The following LPO variants were observed in gnomAD, a reference collection of about 807,000 sequenced individuals.
The protein encoded by LPO is salivary peroxidase.
LPO carries 70 observed loss-of-function variants against 68.4 expected under a neutral mutation model. The observed-to-expected ratio is 1.02, with a 90% CI of 0.84 to 1.25. The LOEUF (loss-of-function observed/expected upper bound fraction) is 1.25, where lower values mean the gene tolerates loss of function less well. Among genes scored for constraint, LPO ranks in the 50% most tolerant of loss-of-function variants. The probability of loss-of-function intolerance (pLI) is 0.00; values close to 1 mark genes in which losing one functional copy is unlikely to be tolerated. For synonymous variants in LPO, 360 were observed against 357.6 expected, an observed-to-expected ratio of 1.01 and a Z score of -0.08; for missense variants, 873 against 908.4, an observed-to-expected ratio of 0.96 and a Z score of 0.50.
At chr17:58,256,263 A>T (rs147180505) in intron 9 of LPO, among the ~76,000 whole-genome samples, 2 of 152,264 alleles carry the variant, frequency 1.3e-5, no homozygotes, top group African/African-American at 4.8e-5. Context: ...GGGCATTTGG[A>T]TAGTTTCCAG....
At position 58,254,944 on chromosome 17, in the gene LPO, C is replaced by A. The variant is rs1598027562; in HGVS notation, c.1239C>A (p.Ala413=). ...ATGGAGAGAAGCTCTACCAGGAAGC[C>A]CGGAAAATCCTGGGAGCCTTCGTGC... ...QWDGEKLYQE[A]RKILGAFVQI... The change falls in exon 9 of 13, where the codon GCC becomes GCA. Residue 413 remains alanine, a synonymous_variant. Transcript: ENST00000262290. The A allele has an allele frequency of 6.2e-7, 1 of 1,614,042 alleles. No individual in the cohort carries two copies. Among genetic ancestry groups the A allele is most frequent in the East Asian group, 2.2e-5 (1 of 44,880 alleles).
intron 1 of LPO, among the ~76,000 whole-genome samples, chr17:58,239,633 T>C (rs1969717860): frequency 6.6e-6 from 1 of 152,082 alleles, no homozygotes; most frequent in Non-Finnish European, 1.5e-5. Context: ...CTCACTGACT[T>C]CATCCCTTCT....
intron 9 of LPO, among the ~76,000 whole-genome samples, chr17:58,256,347 G>C (rs7218620): frequency 0.49 from 73,503 of 151,260 alleles, 20,144 homozygotes; most frequent in African/African-American, 0.76. Flanking sequence ...ATGTTTATTT[G>C]TTTGAGATAC....
intron 3 of LPO, chr17:58,244,391 C>T: frequency 5.4e-6 from 2 of 371,290 alleles, no homozygotes; most frequent in Non-Finnish European, 9.8e-6. Flanking sequence ...TCCCAGAAAG[C>T]CTCTCAGTAA....
Position 58,244,085 on chromosome 17 carries a change from C to T in LPO, c.164+4C>T, listed in dbSNP as rs751530829. 1.9e-5 allele frequency: 26 copies of T among 1,363,632 alleles called. No individual in the cohort carries two copies. The highest frequency in any genetic ancestry group is 9.5e-5 in the East Asian group (4 of 42,244). 84.5% of individuals were successfully genotyped at this position (1,363,632 alleles called of 1,614,324 possible). A position where few individuals can be genotyped will look rare whatever the true frequency, so the allele number is the denominator to read the frequency against. On this transcript the variant is annotated splice_donor_region_variant and intron_variant, in intron 3 of 12. Coordinates refer to ENST00000262290, the MANE Select transcript of LPO (RefSeq NM_006151.3). ...CCTTCCTGGACTCCCGAACCAGGTA[C>T]GTGAGACACACACACACACACACAC...
At chr17:58,251,492 T>C (rs1238810381) in intron 7 of LPO, 1 of 209,872 alleles carries the variant, frequency 4.8e-6, no homozygotes, top group Non-Finnish European at 9.8e-6. Flanking sequence ...CAGGGATTTG[T>C]AGGGATTTCC....
chr17:58,248,704 A>G (rs182248995), intron 4 of LPO, among the ~76,000 whole-genome samples: 9 of 152,158 alleles, frequency 5.9e-5, no homozygotes, highest in African/African-American at 1.9e-4. Context: ...ATACTAACAT[A>G]TGCTTAACCT....
chr17:58,241,630 G>A (rs1433361418), intron 1 of LPO, among the ~76,000 whole-genome samples: 1 of 152,152 alleles, frequency 6.6e-6, no homozygotes, highest in Non-Finnish European at 1.5e-5. Context: ...GAGAGGTCAA[G>A]CTGTTTGAGA....
chr17:58,262,163 G>A (rs562723324), intron 9 of LPO, among the ~76,000 whole-genome samples: 17 of 152,298 alleles, frequency 1.1e-4, no homozygotes, highest in African/African-American at 4.1e-4. Context: ...TGTTTAGAGA[G>A]TTTCCTTTAG....
intron 7 of LPO, 44 bp from the exon 8 acceptor site, chr17:58,252,138 C>A: frequency 6.3e-7 from 1 of 1,580,590 alleles, no homozygotes; most frequent in Admixed American, 1.7e-5. Context: ...CAGGACCCAG[C>A]TGTTCCACCC....
intron 11 of LPO, 57 bp downstream of exon 11, chr17:58,266,383 C>A: frequency 6.5e-7 from 1 of 1,541,998 alleles, no homozygotes; most frequent in South Asian, 1.2e-5. Context: ...TTCTAGGGCT[C>A]CTGGAGACTC....
Position 58,250,442 on chromosome 17 carries a change from G to A in LPO, c.601G>A (p.Gly201Ser). 1 of 1,614,090 alleles carries A rather than the reference G, an allele frequency of 6.2e-7. No individual in the cohort carries two copies. Among genetic ancestry groups the A allele is most frequent in the Non-Finnish European group, 8.5e-7 (1 of 1,180,004 alleles). Residue 201 changes from glycine to serine, a missense_variant, in exon 7 of 13, where the codon GGC (glycine) becomes AGC (serine). By Grantham distance (56) the Gly-to-Ser change is moderately conservative. Coordinates refer to ENST00000262290, the MANE Select transcript of LPO (RefSeq NM_006151.3). ...LAREVSNKIVGYLNEEGVLDQ... is the reference protein window; with the variant it reads ...LAREVSNKIVSYLNEEGVLDQ... Reference sequence around the variant, plus strand: ...CCGGGAGGTATCTAACAAGATTGTTGGCTATCTGAATGAGGAGGGTGTTCT... The same window carrying A: ...CCGGGAGGTATCTAACAAGATTGTTAGCTATCTGAATGAGGAGGGTGTTCT...
chr17:58,253,095 A>G (rs1969996206), intron 8 of LPO, among the ~76,000 whole-genome samples: 1 of 151,582 alleles, frequency 6.6e-6, no homozygotes, highest in African/African-American at 2.4e-5. Flanking sequence ...ACACAATCCC[A>G]CTACCCACCA....
chr17:58,239,342 C>A (rs1464448355), intron 1 of LPO, among the ~76,000 whole-genome samples: 2 of 151,030 alleles, frequency 1.3e-5, no homozygotes, highest in Non-Finnish European at 1.5e-5. Context: ...AGGTGTGTGA[C>A]CTGTATGCAG....
intron 6 of LPO, 92 bp downstream of exon 6, chr17:58,249,787 G>A: frequency 1.4e-6 from 2 of 1,446,166 alleles, no homozygotes; most frequent in South Asian, 1.4e-5. Flanking sequence ...GGAGGGATCG[G>A]TGGGGGCAGC....
chr17:58,243,390 A>G, intron 2 of LPO: 1 of 280,400 alleles, frequency 3.6e-6, no homozygotes, highest in Non-Finnish European at 6.8e-6. Flanking sequence ...ATGCTAAGGC[A>G]GTATGACCTC....
At chr17:58,249,295 G>T (rs1024594984) in intron 5 of LPO, 118 bp downstream of exon 5, 6 of 986,876 alleles carry the variant, frequency 6.1e-6, no homozygotes, top group Non-Finnish European at 8.9e-6. Context: ...ACCTGGGCTG[G>T]CGTTCCCACC....
rs575837244 is a variant in LPO at position 58,246,067 on chromosome 17, C to T, written c.165-1411C>T. 3.3e-5 allele frequency among the ~76,000 whole-genome samples: 5 copies of T among 152,282 alleles called. No homozygotes were observed. The East Asian group carries it at 9.6e-4, about 29-fold the overall frequency. ...TGATAAGGAAAATGAAGGAAATAAA[C>T]AGGGCAAGGGATGCCACTCTAGGCA... On this transcript the variant is annotated intron_variant, in intron 3 of 12. Transcript: ENST00000262290.
intron 9 of LPO, among the ~76,000 whole-genome samples, chr17:58,262,446 G>A (rs1484927049): frequency 6.6e-6 from 1 of 152,226 alleles, no homozygotes; most frequent in Non-Finnish European, 1.5e-5. Context: ...CTGGAGTGCA[G>A]TGGCAACATC....
Sources: allele counts gnomAD v4.1 joint callset (sites outside exome capture counted in the v4.1 genomes callset), GRCh38; gene constraint gnomAD v4.1.1; transcripts MANE v1.5; gene names NCBI Gene and HGNC (gene_info 2026-07-23, HGNC 2026-07-21).